LRBA: variants seen among roughly 807,000 people sequenced by gnomAD.
LRBA encodes the protein lipopolysaccharide-responsive and beige-like anchor protein.
In LRBA, 176 loss-of-function variants were observed where a neutral mutation model predicts 330.0. The observed-to-expected ratio is 0.53, with a 90% confidence interval of 0.47 to 0.60. The LOEUF (loss-of-function observed/expected upper bound fraction) is 0.60, where lower values mean the gene tolerates loss of function less well. Among genes scored for constraint, LRBA ranks in the 20% least tolerant of loss-of-function variants. The probability of loss-of-function intolerance (pLI) is 0.00; values close to 1 mark genes in which losing one functional copy is unlikely to be tolerated. For missense variants in LRBA, 3,259 were observed against 3,444.8 expected, an observed-to-expected ratio of 0.95 and a Z score of 1.35; for synonymous variants, 1,230 against 1,193.0, an observed-to-expected ratio of 1.03 and a Z score of -0.64.
rs75700585 is a variant in LRBA, at chr4:150,551,695, T to G, written c.6330+36353A>C. Among the ~76,000 whole-genome samples, 402 of 151,988 alleles carry G rather than the reference T, an allele frequency of 2.6e-3. 1 individual carries two copies. The highest frequency in any genetic ancestry group is 9.0e-3 in the African/African-American group (375 of 41,470). ...AAAATAAAAAAAAAAGCAAAAAGCT[T>G]AGGAATACACCCTGATTGAAATATA... On this transcript the variant is annotated intron_variant, in intron 40 of 56. Coordinates refer to ENST00000651943, the MANE Select transcript of LRBA (RefSeq NM_001364905.1).
intron 44 of LRBA, among the ~76,000 whole-genome samples, chr4:150,440,593 T>C (rs12511109): frequency 0.029 from 4,478 of 152,060 alleles, 162 homozygotes; most frequent in East Asian, 0.18. Context: ...CTGGACAACA[T>C]GATGAGATCC....
intron 29 of LRBA, among the ~76,000 whole-genome samples, chr4:150,829,495 A>C (rs1746834831): frequency 1.3e-5 from 2 of 152,198 alleles, no homozygotes; most frequent in African/African-American, 4.8e-5. Flanking sequence ...GTTCAGTCCT[A>C]ATAGGACTTC....
At chr4:150,355,897 T>A (rs1737778339) in intron 47 of LRBA, among the ~76,000 whole-genome samples, 2 of 152,092 alleles carry the variant, frequency 1.3e-5, no homozygotes, top group Non-Finnish European at 2.9e-5. Flanking sequence ...GAATTTTAAG[T>A]ATTTTTCATT....
chr4:150,986,758 C>A (rs756386525), intron 2 of LRBA, among the ~76,000 whole-genome samples: 1 of 152,142 alleles, frequency 6.6e-6, no homozygotes, highest in Admixed American at 6.5e-5. Context: ...TTACTTGACA[C>A]AGGATGCCAA....
chr4:150,539,655 G>T (rs1441168263), intron 40 of LRBA, among the ~76,000 whole-genome samples: 1 of 152,188 alleles, frequency 6.6e-6, no homozygotes, highest in Non-Finnish European at 1.5e-5. Flanking sequence ...GGCAGTGATT[G>T]TATGGCCTCA....
intron 2 of LRBA, among the ~76,000 whole-genome samples, chr4:150,953,777 C>A (rs1410336332): frequency 1.3e-5 from 2 of 151,858 alleles, no homozygotes; most frequent in Non-Finnish European, 2.9e-5. Flanking sequence ...CTCTGCCCGG[C>A]CGCCACCCCG....
chr4:150,905,986 G>T lies in LRBA; in HGVS notation c.1607C>A (p.Ser536Tyr). 1 of 1,612,214 alleles carries T rather than the reference G, an allele frequency of 6.2e-7. No individual in the cohort carries two copies. Among genetic ancestry groups the T allele is most frequent in the Non-Finnish European group, 8.5e-7 (1 of 1,179,124 alleles). Reference protein sequence around the residue: ...LVIGYSLEKSSKSHVSRAVLE... With the variant: ...LVIGYSLEKSYKSHVSRAVLE... ...TACTGCTCTGCTAACATGAGATTTG[G>T]AAGACTGCAAAAAAAGTAGTTCAAA... is the stretch of plus-strand genomic sequence containing the variant. Residue 536 changes from serine to tyrosine, a missense_variant, in exon 13 of 57, where the codon TCC becomes TAC. Coordinates refer to ENST00000651943, the MANE Select transcript of LRBA (RefSeq NM_001364905.1).
intron 36 of LRBA, among the ~76,000 whole-genome samples, chr4:150,690,269 C>A (rs185231754): frequency 6.6e-6 from 1 of 151,796 alleles, no homozygotes; most frequent in Non-Finnish European, 1.5e-5. Context: ...TTTGGGAGGC[C>A]GAGGCAGGTA....
chr4:150,866,888 T>G (rs961574373), intron 22 of LRBA, among the ~76,000 whole-genome samples: 8 of 151,642 alleles, frequency 5.3e-5, no homozygotes, highest in African/African-American at 1.9e-4. Flanking sequence ...AAAATAAAAC[T>G]CTTTATTGTT....
At chr4:150,447,174 G>GA (rs896716991) in intron 44 of LRBA, among the ~76,000 whole-genome samples, 2 of 151,844 alleles carry the variant, frequency 1.3e-5, no homozygotes, top group Admixed American at 6.6e-5. Flanking sequence ...TTATCAACTG[G>GA]AAAAAAAATA....
chr4:150,949,339 C>A (rs1579292722), intron 2 of LRBA, among the ~76,000 whole-genome samples: 1 of 151,944 alleles, frequency 6.6e-6, no homozygotes, highest in African/African-American at 2.4e-5. Context: ...TTCTCAAGTT[C>A]GTACAGTCTT....
intron 40 of LRBA, among the ~76,000 whole-genome samples, chr4:150,585,247 C>G (rs1223169813): frequency 6.6e-6 from 1 of 152,120 alleles, no homozygotes; most frequent in Non-Finnish European, 1.5e-5. Flanking sequence ...TCTCCCCAAG[C>G]ATATGGTGAT....
intron 35 of LRBA, among the ~76,000 whole-genome samples, chr4:150,760,934 A>C (rs1027963805): frequency 1.3e-4 from 20 of 152,188 alleles, no homozygotes; most frequent in Admixed American, 2.6e-4. Context: ...CATTTATGAG[A>C]GATAGAGAGC....
At chr4:150,984,624 A>G (rs1223755617) in intron 2 of LRBA, among the ~76,000 whole-genome samples, 1 of 152,242 alleles carries the variant, frequency 6.6e-6, no homozygotes, top group Non-Finnish European at 1.5e-5. Flanking sequence ...GTAATCTGCT[A>G]CAAGTCTTCA....
At chr4:150,589,503 G>C (rs1343945751) in intron 39 of LRBA, among the ~76,000 whole-genome samples, 1 of 152,162 alleles carries the variant, frequency 6.6e-6, no homozygotes, top group Non-Finnish European at 1.5e-5. Flanking sequence ...GTGTTCTTTT[G>C]CTGTCTCCTT....
At chr4:150,682,828 C>G (rs917557056) in intron 37 of LRBA, among the ~76,000 whole-genome samples, 1 of 151,994 alleles carries the variant, frequency 6.6e-6, no homozygotes, top group Non-Finnish European at 1.5e-5. Context: ...AAAATAAAAA[C>G]TTTCTGTCAT....
In LRBA at chr4:150,639,815, GTGTGTATATA is replaced by G. The variant is rs1778436536; in HGVS notation, c.5922-40694_5922-40685del. On this transcript the variant is annotated intron_variant, in intron 37 of 56. Transcript: ENST00000651943. Reference sequence around the variant, plus strand: ...TGTATATATATATATATGTGTGTGTGTGTGTATATATATATATATATATATATATATATAT... The same window carrying G: ...TGTATATATATATATATGTGTGTGTGTATATATATATATATATATATATAT... Among the ~76,000 whole-genome samples the G allele has an allele frequency of 5.5e-3, 27 of 4,882 alleles. 1 individual carries two copies. Among genetic ancestry groups the G allele is most frequent in the African/African-American group, 0.01 (24 of 2,388 alleles). The allele number at this position is 4,882 out of a possible 152,430, so 3.2% of individuals were successfully genotyped here. A position where few individuals can be genotyped will look rare whatever the true frequency, so the allele number is the denominator to read the frequency against.
rs1245947027 is a variant in LRBA at position 150,683,912 on chromosome 4, AT to A, written c.5755-196del. On this transcript the variant is annotated intron_variant, in intron 36 of 56. Coordinates refer to ENST00000651943, the MANE Select transcript of LRBA (RefSeq NM_001364905.1). Reference sequence around the variant, plus strand: ...ACAAGAATTTACTTCTGTGAAGTCAATCATGAGATACACTCAGAAGTGGTAA... The same window carrying A: ...ACAAGAATTTACTTCTGTGAAGTCAACATGAGATACACTCAGAAGTGGTAA... 4.4e-5 allele frequency: 23 copies of A among 527,600 alleles called. No individual in the cohort carries two copies. In the East Asian group the frequency reaches 5.5e-4, roughly 13 times the overall value. The allele number at this position is 527,600 out of a possible 1,614,324, so 32.7% of individuals were successfully genotyped here.
chr4:150,421,401 A>C (rs1748775825), intron 46 of LRBA, among the ~76,000 whole-genome samples: 1 of 149,740 alleles, frequency 6.7e-6, no homozygotes, highest in Non-Finnish European at 1.5e-5. Context: ...CAGTATGGAC[A>C]GAAATACAAA....
Sources: allele counts gnomAD v4.1 joint callset (sites outside exome capture counted in the v4.1 genomes callset), GRCh38; gene constraint gnomAD v4.1.1; transcripts MANE v1.5; gene names NCBI Gene and HGNC (gene_info 2026-07-23, HGNC 2026-07-21).